Variants in EML6 observed in about 807,000 individuals in gnomAD.
EML6 encodes EMAP like 6.
Under a neutral mutation model 240.1 loss-of-function variants are expected in EML6, and 154 were observed. That is an observed-to-expected ratio of 0.64 (90% CI 0.56 to 0.73). EML6 has a LOEUF of 0.73. EML6 is among the 30% of genes least tolerant of loss of function. The pLI, the probability that EML6 is intolerant of heterozygous loss-of-function variation, is 0.00. For missense variants in EML6, 2,964 were observed against 2,474.6 expected (o/e 1.20, Z -4.20); for synonymous variants, 1,148 against 899.0 (o/e 1.28, Z -4.95).
chr2:54,863,736 A>G, intron 12 of EML6, 47 bp from the exon 13 acceptor site: 1 of 928,104 alleles, frequency 1.1e-6, no homozygotes, highest in Non-Finnish European at 1.7e-6. Context: ...TCAGTTGCTC[A>G]GAGTCTCAGA....
rs1370959039 is a variant in EML6 at position 54,758,920 on chromosome 2, TC to T, written c.197+33663del. 4.0e-5 allele frequency among the ~76,000 whole-genome samples: 6 copies of T among 151,466 alleles called. No homozygotes were observed. The East Asian group carries it at 1.2e-3, about 29-fold the overall frequency. ...TCTGCAAACATAAAATATGGGTGGTTCATAAGTTGCCTTTTTGAGCTATAGA... is the reference window on the plus strand; with the variant it reads ...TCTGCAAACATAAAATATGGGTGGTTATAAGTTGCCTTTTTGAGCTATAGA... On this transcript the variant is annotated intron_variant, in intron 2 of 41. Transcript: ENST00000356458.
intron 26 of EML6, among the ~76,000 whole-genome samples, chr2:54,919,730 C>T (rs1674121970): frequency 6.6e-6 from 1 of 152,174 alleles, no homozygotes; most frequent in Non-Finnish European, 1.5e-5. Context: ...AACTAAATCC[C>T]CCACAGTACT....
chr2:54,941,811 C>T (rs1195052732), intron 28 of EML6, among the ~76,000 whole-genome samples: 2 of 152,250 alleles, frequency 1.3e-5, no homozygotes, highest in Admixed American at 6.5e-5. Flanking sequence ...GCCCTTCTCT[C>T]GAAGCTGCGT....
chr2:54,958,067 G>A, intron 33 of EML6, 69 bp downstream of exon 33: 2 of 1,385,270 alleles, frequency 1.4e-6, no homozygotes, highest in East Asian at 2.5e-5. Context: ...GGCATGGGCA[G>A]GAGGGGAGTT....
At chr2:54,910,172 G>A (rs1673566062) in intron 24 of EML6, among the ~76,000 whole-genome samples, 1 of 152,102 alleles carries the variant, frequency 6.6e-6, no homozygotes, top group Non-Finnish European at 1.5e-5. Flanking sequence ...TGGGCATACA[G>A]GGGTTCTTTA....
intron 2 of EML6, among the ~76,000 whole-genome samples, chr2:54,758,050 G>A (rs770384567): frequency 2.4e-4 from 37 of 152,104 alleles, no homozygotes; most frequent in Non-Finnish European, 4.0e-4. Flanking sequence ...GATTTTGAAT[G>A]CCAGTCACCG....
intron 28 of EML6, among the ~76,000 whole-genome samples, chr2:54,929,982 G>C (rs928877312): frequency 6.6e-6 from 1 of 151,756 alleles, no homozygotes; most frequent in African/African-American, 2.4e-5. Context: ...CTAATTCTAA[G>C]AATTAAGGGG....
chr2:54,876,880 C>T (rs1671533960), intron 16 of EML6, among the ~76,000 whole-genome samples: 3 of 152,068 alleles, frequency 2.0e-5, no homozygotes, highest in African/African-American at 4.8e-5. Context: ...TTGAAATATA[C>T]ACTACATTAT....
At chr2:54,902,781 C>T (rs994722942) in intron 22 of EML6, among the ~76,000 whole-genome samples, 8 of 152,246 alleles carry the variant, frequency 5.3e-5, no homozygotes, top group Non-Finnish European at 1.0e-4. Flanking sequence ...CGGAATGTGG[C>T]CCAGACTGGT....
chr2:54,889,137 C>G (rs1325312863), intron 17 of EML6, among the ~76,000 whole-genome samples: 5 of 152,138 alleles, frequency 3.3e-5, no homozygotes, highest in Admixed American at 1.3e-4. Flanking sequence ...TCAAGATTTT[C>G]TGTTTTGCCA....
intron 19 of EML6, 49 bp downstream of exon 19, chr2:54,892,705 T>A (rs1410381463): frequency 6.9e-7 from 1 of 1,452,680 alleles, no homozygotes; most frequent in Admixed American, 2.1e-5. Flanking sequence ...CTTCTAAAAT[T>A]ATAAGGTAGT....
intron 1 of EML6, among the ~76,000 whole-genome samples, 189 bp downstream of exon 1, chr2:54,723,966 G>A (rs1003600511): frequency 1.2e-4 from 18 of 152,310 alleles, no homozygotes; most frequent in African/African-American, 3.6e-4. Context: ...GGTCCCTCGG[G>A]CGACCCCTCT....
At position 54,725,012 on chromosome 2, in the gene EML6, G is replaced by A; in HGVS notation, c.-50G>A. ...TCCGCCGCAGCCCCAGCCTCGGCGA[G>A]GACGGCCCCGGCGCGCGGGGGGGCG... On this transcript the variant is annotated 5_prime_UTR_variant, in exon 2 of 42. Coordinates refer to ENST00000356458, the MANE Select transcript of EML6 (RefSeq NM_001039753.4). This position sits in a 1 kb window ranked among gnomAD's most constrained non-coding sequence, Gnocchi z 4.3. 3 of 1,422,000 alleles carry A rather than the reference G, an allele frequency of 2.1e-6. No homozygotes were observed. Among genetic ancestry groups the A allele is most frequent in the Non-Finnish European group, 9.2e-7 (1 of 1,088,006 alleles). 88.1% of individuals were successfully genotyped at this position (1,422,000 alleles called of 1,614,324 possible).
intron 4 of EML6, among the ~76,000 whole-genome samples, chr2:54,819,570 G>C (rs12467761): frequency 0.3 from 45,614 of 151,938 alleles, 7,669 homozygotes; most frequent in Non-Finnish European, 0.37. Context: ...GAGGTCACAA[G>C]ATTGAGACCA....
chr2:54,868,212 G>A (rs1384837271), intron 14 of EML6: 3 of 151,938 alleles, frequency 2.0e-5, no homozygotes, highest in Admixed American at 6.6e-5. Flanking sequence ...TTAATTAGGA[G>A]GATCATGTTA....
intron 2 of EML6, among the ~76,000 whole-genome samples, chr2:54,795,532 A>G (rs932548914): frequency 2.0e-5 from 3 of 152,068 alleles, no homozygotes; most frequent in African/African-American, 7.2e-5. Context: ...GGAAGAGGGG[A>G]AGGAGGAGGA....
chr2:54,877,462 A>G (rs1187938751), intron 16 of EML6, among the ~76,000 whole-genome samples: 1 of 152,070 alleles, frequency 6.6e-6, no homozygotes, highest in African/African-American at 2.4e-5. Context: ...AAAGTCTTAA[A>G]AAAAAGCTTA....
intron 6 of EML6, among the ~76,000 whole-genome samples, chr2:54,828,596 C>T (rs570690770): frequency 2.8e-4 from 43 of 152,324 alleles, no homozygotes; most frequent in African/African-American, 9.4e-4. Flanking sequence ...CTATATGTTG[C>T]AGGTGAATTT....
chr2:54,964,016 G>C lies in EML6; in HGVS notation c.5188G>C (p.Ala1730Pro). The change falls in exon 37 of 42, where the codon GCG (alanine) becomes CCG (proline). Residue 1730 changes from alanine to proline, a missense_variant. By Grantham distance (27) the Ala-to-Pro change is conservative (BLOSUM62 -1). Coordinates refer to ENST00000356458, the MANE Select transcript of EML6 (RefSeq NM_001039753.4). The stretch of plus-strand genomic sequence containing the variant: ...GTTAAACAAGGTGAGCTTGGGCCAT[G>C]CGGCCAGGTGTGCAGCCTACAGCCC... ...KLLNKVSLGH[A>P]ARCAAYSPDG... The C allele has an allele frequency of 6.4e-7, 1 of 1,551,500 alleles. No homozygotes were observed. The highest frequency in any genetic ancestry group is 2.0e-5 in the Admixed American group (1 of 50,948).
Sources: allele counts gnomAD v4.1 joint callset (sites outside exome capture counted in the v4.1 genomes callset), GRCh38; gene constraint gnomAD v4.1.1; non-coding constraint Gnocchi (gnomAD v3.1); transcripts MANE v1.5; gene names NCBI Gene and HGNC (gene_info 2026-07-23, HGNC 2026-07-21).